Variants in ZNFX1 observed in about 807,000 individuals in gnomAD.
ZNFX1 encodes the protein NFX1-type zinc finger-containing protein 1.
A neutral mutation model predicts 179.8 loss-of-function variants in ZNFX1; 78 were observed. The ratio of observed to expected loss-of-function variants is 0.43; its 90% CI spans 0.36 to 0.52. The LOEUF is 0.52. Among genes scored for constraint, ZNFX1 ranks in the 20% least tolerant of loss-of-function variants. The pLI, the probability that ZNFX1 is intolerant of heterozygous loss-of-function variation, is 0.00. For synonymous variants in ZNFX1, 848 were observed against 868.5 expected (o/e 0.98, Z 0.42); for missense variants, 1,927 against 2,386.6 (o/e 0.81, Z 4.01).
chr20:49,264,758 G>C lies in ZNFX1; in HGVS notation c.2109C>G (p.Phe703Leu). The C allele has an allele frequency of 1.2e-6, 2 of 1,614,160 alleles. No individual in the cohort carries two copies. The highest frequency in any genetic ancestry group is 1.7e-6 in the Non-Finnish European group (2 of 1,180,042). The change falls in exon 5 of 14, where the codon TTC (phenylalanine) becomes TTG (leucine). Residue 703 changes from phenylalanine to leucine, a missense_variant. By Grantham distance (22) the Phe-to-Leu change is conservative. Coordinates refer to ENST00000396105, the MANE Select transcript of ZNFX1 (RefSeq NM_021035.3). ...GGAGGTGCATGGGGAGGTTGCGGCG[G>C]AATTCCCGCTTGTTCCTCAGCTCCC... ...TLRELRNKRE[F>L]RRNLPMHLRR...
At chr20:49,266,014 G>T in intron 4 of ZNFX1, 121 bp downstream of exon 4, 1 of 1,116,436 alleles carries the variant, frequency 9.0e-7, no homozygotes, top group Non-Finnish European at 1.3e-6. Flanking sequence ...ATCACAAACG[G>T]CCATGTAAGT....
In ZNFX1 at chr20:49,275,503, G is replaced by A. The variant is rs541928025; in HGVS notation, c.61+276C>T. On this transcript the variant is annotated intron_variant, in intron 2 of 13. Coordinates refer to ENST00000396105, the MANE Select transcript of ZNFX1 (RefSeq NM_021035.3). ...CCTAAGTAGCTGGGACTACAGGCAC[G>A]CAGCACCAAGCCCGGCTAATTTATA... Among the ~76,000 whole-genome samples, 4 of 152,160 alleles carry A rather than the reference G, an allele frequency of 2.6e-5. No homozygotes were observed. The East Asian group carries it at 5.8e-4, about 22-fold the overall frequency.
chr20:49,254,594 G>A lies in ZNFX1; in HGVS notation c.2860C>T (p.Arg954Cys), dbSNP rs371492109. Residue 954 changes from arginine (R) to cysteine (C), a missense_variant, in exon 10 of 14, where the codon CGC becomes TGC. Physicochemically the swap from Arg to Cys is radical, Grantham distance 180. Coordinates refer to ENST00000396105, the MANE Select transcript of ZNFX1 (RefSeq NM_021035.3). ...CTTTCTGCTGATGTGCGGTACTGGC[G>A]TTCATAGCTGAGGATCTTCCGGCGG... ...DTRRKILSYE[R>C]QYRTSAERMA... is the part of the protein sequence containing the mutation. 4.3e-6 allele frequency: 7 copies of A among 1,614,010 alleles called. No individual in the cohort carries two copies. Among genetic ancestry groups the A allele is most frequent in the African/African-American group, 2.7e-5 (2 of 74,886 alleles).
At position 49,271,636 on chromosome 20, in the gene ZNFX1, T is replaced by A. The variant is rs2146742708; in HGVS notation, c.176A>T (p.His59Leu). 6.2e-7 allele frequency: 1 copy of A among 1,614,084 alleles called. No homozygotes were observed. The highest frequency in any genetic ancestry group is 2.2e-5 in the East Asian group (1 of 44,882). ...TTCCCTCTGCCAGTAAGCAGCAGGA[T>A]GGTTGTTGGCCCTAGGATGCCTTCC... ...HPGRHPRANNHPAAYWQREER... is the reference protein window; with the variant it reads ...HPGRHPRANNLPAAYWQREER... The change falls in exon 3 of 14, where the codon CAT (histidine) becomes CTT (leucine). Residue 59 changes from histidine to leucine, a missense_variant. Physicochemically the swap from His to Leu is moderately conservative, Grantham distance 99 (BLOSUM62 -3). Transcript: ENST00000396105.
Position 49,271,257 on chromosome 20 carries a change from C to T in ZNFX1, c.555G>A (p.Glu185=), listed in dbSNP as rs773461091. The part of the protein sequence containing the change: ...SHSSMKSNFL[E]LICQVLRKAC... The stretch of plus-strand genomic sequence containing the variant: ...CCTTCCGAAGAACCTGACAGATGAG[C>T]TCAAGGAAGTTAGATTTCATGGAAG... The change falls in exon 3 of 14, where the codon GAG becomes GAA. Residue 185 remains glutamate, a synonymous_variant. Coordinates refer to ENST00000396105, the MANE Select transcript of ZNFX1 (RefSeq NM_021035.3). The T allele has an allele frequency of 1.2e-6, 2 of 1,614,164 alleles. No individual in the cohort carries two copies. The highest frequency in any genetic ancestry group is 1.7e-6 in the Non-Finnish European group (2 of 1,180,050).
chr20:49,256,079 C>T (rs904102432), intron 8 of ZNFX1, 132 bp from the exon 9 acceptor site: 1 of 1,152,512 alleles, frequency 8.7e-7, no homozygotes, highest in Non-Finnish European at 1.2e-6. Flanking sequence ...TTACATTCTC[C>T]CAACAGCTCT....
intron 3 of ZNFX1, among the ~76,000 whole-genome samples, chr20:49,267,866 C>G (rs6067030): frequency 1.2e-4 from 17 of 147,776 alleles, no homozygotes; most frequent in Non-Finnish European, 2.5e-4. Context: ...TTTCTTCATC[C>G]GTATAACAGT....
intron 3 of ZNFX1, 70 bp from the exon 4 acceptor site, chr20:49,266,336 A>T (rs1981232388): frequency 7.1e-7 from 1 of 1,415,160 alleles, no homozygotes. Flanking sequence ...TCAGAGCAAA[A>T]TCTTTTTTTA....
intron 2 of ZNFX1, among the ~76,000 whole-genome samples, 156 bp from the exon 3 acceptor site, chr20:49,271,906 A>C (rs1445674505): frequency 6.6e-6 from 1 of 152,218 alleles, no homozygotes. Flanking sequence ...ATGATAAATG[A>C]AAGATAATTA....
Position 49,253,659 on chromosome 20 carries a change from G to C in ZNFX1, c.3105+7C>G. ...CAGCCCATCTTCTAGGGGGACTCTCGTTTTACCTGCTGGTGGTCCCCAATC... is the reference window on the plus strand; with the variant it reads ...CAGCCCATCTTCTAGGGGGACTCTCCTTTTACCTGCTGGTGGTCCCCAATC... On this transcript the variant is annotated splice_region_variant and intron_variant, in intron 11 of 13. Transcript: ENST00000396105. The C allele has an allele frequency of 6.2e-7, 1 of 1,613,896 alleles. No homozygotes were observed. The highest frequency in any genetic ancestry group is 8.5e-7 in the Non-Finnish European group (1 of 1,179,976).
chr20:49,270,150 T>C lies in ZNFX1; in HGVS notation c.1662A>G (p.Arg554=). The change falls in exon 3 of 14, where the codon AGA becomes AGG. Residue 554 remains arginine, a synonymous_variant. Transcript: ENST00000396105. This position sits in a 1 kb window ranked among gnomAD's most constrained non-coding sequence, Gnocchi z 4.6. ...KEPRYLLMGG[R]YDFTPLIENP... ...TCTCTATTAAGGGGGTAAAGTCGTA[T>C]CTGCCCCCCATTAGCAAGTACCTTG... 2.5e-6 allele frequency: 4 copies of C among 1,614,134 alleles called. No individual in the cohort carries two copies. The highest frequency in any genetic ancestry group is 3.4e-6 in the Non-Finnish European group (4 of 1,180,010).
At position 49,247,674 on chromosome 20, in the gene ZNFX1, T is replaced by C. The variant is rs371648037; in HGVS notation, c.5350A>G (p.Ile1784Val). 2.5e-6 allele frequency: 4 copies of C among 1,614,122 alleles called. No individual in the cohort carries two copies. The highest frequency in any genetic ancestry group is 1.3e-5 in the African/African-American group (1 of 74,948). The change falls in exon 14 of 14, where the codon ATA becomes GTA. Residue 1784 changes from isoleucine (I) to valine (V), a missense_variant. Physicochemically the swap from Ile to Val is conservative, Grantham distance 29. Transcript: ENST00000396105. ...KIAEKKVKDSIAVEVYSVQNI... is the reference protein window; with the variant it reads ...KIAEKKVKDSVAVEVYSVQNI... ...TGGACACTATAGACCTCTACTGCTA[T>C]GCTATCTTTCACCTTCTTCTCTGCT... is the stretch of plus-strand genomic sequence containing the variant.
At position 49,249,226 on chromosome 20, in the gene ZNFX1, G is replaced by A. The variant is rs1226979602; in HGVS notation, c.3798C>T (p.Asn1266=). The change falls in exon 14 of 14, where the codon AAC becomes AAT. Residue 1266 remains asparagine, a synonymous_variant. Coordinates refer to ENST00000396105, the MANE Select transcript of ZNFX1 (RefSeq NM_021035.3). ...IGPMLRLCCQ[N]HPETHTLVSK... ...ATACTAAGGTGTGGGTTTCAGGGTG[G>A]TTCTGGCAGCAGAGCCGGAGCATGG... 6.2e-7 allele frequency: 1 copy of A among 1,614,240 alleles called. No individual in the cohort carries two copies. The highest frequency in any genetic ancestry group is 1.7e-5 in the Admixed American group (1 of 60,030).
At position 49,271,532 on chromosome 20, in the gene ZNFX1, C is replaced by G. The variant is rs1412356500; in HGVS notation, c.280G>C (p.Asp94His). The G allele has an allele frequency of 6.2e-7, 1 of 1,614,194 alleles. No individual in the cohort carries two copies. Among genetic ancestry groups the G allele is most frequent in the South Asian group, 1.1e-5 (1 of 91,082 alleles). The stretch of plus-strand genomic sequence containing the variant: ...TCATTCTCCTGGTCATGTCTTTGGT[C>G]TCTAGCTTCGTCGCTGGCATGCCCC... ...QEGHASDEARDQRHDQENDTR... is the reference protein window; with the variant it reads ...QEGHASDEARHQRHDQENDTR... The change falls in exon 3 of 14, where the codon GAC becomes CAC. Residue 94 changes from aspartate to histidine, a missense_variant. By Grantham distance (81) the Asp-to-His change is moderately conservative. Transcript: ENST00000396105.
At position 49,270,752 on chromosome 20, in the gene ZNFX1, G is replaced by A. The variant is rs757223213; in HGVS notation, c.1060C>T (p.Arg354Cys). The A allele has an allele frequency of 4.3e-6, 7 of 1,614,046 alleles. No homozygotes were observed. The highest frequency in any genetic ancestry group is 2.2e-5 in the East Asian group (1 of 44,892). ...TATTTTCCAGAAATGATATTGGGGCGAAGGAAGGGCCTCTCATCCAAGTGC... is the reference window on the plus strand; with the variant it reads ...TATTTTCCAGAAATGATATTGGGGCAAAGGAAGGGCCTCTCATCCAAGTGC... ...EVHLDERPFLRPNIISGKYDS... is the reference protein window; with the variant it reads ...EVHLDERPFLCPNIISGKYDS... The change falls in exon 3 of 14, where the codon CGC becomes TGC. Residue 354 changes from arginine (R) to cysteine (C), a missense_variant. Arg to Cys is a radical substitution (Grantham distance 180). Transcript: ENST00000396105. The surrounding 1 kb of genome is among the most constrained non-coding windows in gnomAD (Gnocchi z 4.6).
chr20:49,265,520 A>T (rs891604127), intron 4 of ZNFX1, among the ~76,000 whole-genome samples: 1 of 152,200 alleles, frequency 6.6e-6, no homozygotes, highest in African/African-American at 2.4e-5. Context: ...CTAATATTTA[A>T]ACTCAGACTC....
Position 49,253,822 on chromosome 20 carries a change from G to T in ZNFX1, c.2960-11C>A. 1 of 1,613,584 alleles carries T rather than the reference G, an allele frequency of 6.2e-7. No homozygotes were observed. The highest frequency in any genetic ancestry group is 8.5e-7 in the Non-Finnish European group (1 of 1,179,946). On this transcript the variant is annotated splice_polypyrimidine_tract_variant and intron_variant, in intron 10 of 13. Transcript: ENST00000396105. ...GGTATTTGGCAGCACCTCAAGTGAG[G>T]AAAGAAGAGAAAGGCTCCTCTGAGC...
Position 49,249,109 on chromosome 20 carries a change from G to A in ZNFX1, c.3915C>T (p.Ala1305=), listed in dbSNP as rs1235791941. ...RLGCGHVCTR[A]CHPYDSSHKE... ...TGTGTGAAGAGTCATAAGGGTGGCA[G>A]GCACGGGTGCAGACATGCCCACAGC... Residue 1305 remains alanine, a synonymous_variant, in exon 14 of 14, where the codon GCC becomes GCT. Coordinates refer to ENST00000396105, the MANE Select transcript of ZNFX1 (RefSeq NM_021035.3). 2.5e-6 allele frequency: 4 copies of A among 1,614,252 alleles called. No individual in the cohort carries two copies. In the African/African-American group the frequency reaches 4.0e-5, roughly 16 times the overall value.
At chr20:49,275,082 C>T (rs894160156) in intron 2 of ZNFX1, among the ~76,000 whole-genome samples, 9 of 151,408 alleles carry the variant, frequency 5.9e-5, no homozygotes, top group Non-Finnish European at 1.0e-4. Flanking sequence ...GAGATCGCGC[C>T]ACTGCACTCC....
Sources: gnomAD v4.1 joint callset for allele counts (sites outside exome capture counted in the v4.1 genomes callset) on GRCh38, gnomAD v4.1.1 for gene constraint, Gnocchi (gnomAD v3.1) non-coding constraint, MANE v1.5 for transcripts, NCBI Gene and HGNC (gene_info 2026-07-23, HGNC 2026-07-21) for gene names.